NFIA: variants seen among roughly 807,000 people sequenced by gnomAD.
NFIA encodes the protein nuclear factor I A.
A neutral mutation model predicts 62.8 loss-of-function variants in NFIA; 8 were observed. The observed-to-expected ratio is 0.13, with a 90% CI of 0.07 to 0.23. The LOEUF is 0.23. NFIA is among the 10% of genes least tolerant of loss of function. The pLI is 1.00. For missense variants in NFIA, 410 were observed against 642.1 expected (o/e 0.64, Z 3.91); for synonymous variants, 235 against 238.1 (o/e 0.99, Z 0.12).
At chr1:61,184,373 TAAA>T (rs532139690) in intron 2 of NFIA, among the ~76,000 whole-genome samples, 1 of 152,226 alleles carries the variant, frequency 6.6e-6, no homozygotes, top group Non-Finnish European at 1.5e-5. Context: ...TCCTTGTTTC[TAAA>T]AAACTTGCTA....
chr1:61,180,103 A>G (rs1484744830), intron 2 of NFIA, among the ~76,000 whole-genome samples: 2 of 152,098 alleles, frequency 1.3e-5, no homozygotes, highest in African/African-American at 4.8e-5. Flanking sequence ...AGTCACACTG[A>G]AAGAGGCAGG....
intron 3 of NFIA, among the ~76,000 whole-genome samples, chr1:61,296,602 T>A (rs1284435475): frequency 6.6e-6 from 1 of 152,186 alleles, no homozygotes; most frequent in African/African-American, 2.4e-5. Flanking sequence ...AAGCATAAGA[T>A]TTAAATCCCT....
chr1:61,115,867 T>C (rs1215491624), intron 2 of NFIA, among the ~76,000 whole-genome samples: 1 of 152,164 alleles, frequency 6.6e-6, no homozygotes, highest in Admixed American at 6.5e-5. Flanking sequence ...AAACCTCACG[T>C]TCCCTCGATA....
chr1:61,207,674 G>A (rs962953470), intron 2 of NFIA, among the ~76,000 whole-genome samples: 2 of 152,188 alleles, frequency 1.3e-5, no homozygotes, highest in Non-Finnish European at 2.9e-5. Flanking sequence ...TCTCTTCTGT[G>A]AAGTGGGATT....
At chr1:61,251,881 G>A (rs1430143080) in intron 2 of NFIA, among the ~76,000 whole-genome samples, 3 of 152,014 alleles carry the variant, frequency 2.0e-5, no homozygotes, top group East Asian at 1.9e-4. Context: ...ACTATTTTTC[G>A]TGTTCTTTAA....
At chr1:61,297,272 G>GT (rs1376943939) in intron 3 of NFIA, among the ~76,000 whole-genome samples, 1 of 152,192 alleles carries the variant, frequency 6.6e-6, no homozygotes, top group African/African-American at 2.4e-5. Context: ...GTGTGTAAAT[G>GT]TTTTTATTGG....
rs1655354460 is a variant in NFIA, at chr1:61,241,656, C to T, written c.560-35864C>T. ...GTCAGATTCCCCCACTGCCAACCCC[C>T]TCCCCCCACACAACTACCACCCAAA... is the stretch of plus-strand genomic sequence containing the variant. On this transcript the variant is annotated intron_variant, in intron 2 of 10. Transcript: ENST00000403491. Among the ~76,000 whole-genome samples, 6 of 151,988 alleles carry T rather than the reference C, an allele frequency of 3.9e-5. No homozygotes were observed. In the South Asian group the frequency reaches 1.2e-3, roughly 32 times the overall value.
At chr1:61,316,720 G>A (rs543281559) in intron 3 of NFIA, among the ~76,000 whole-genome samples, 1 of 152,180 alleles carries the variant, frequency 6.6e-6, no homozygotes, top group Non-Finnish European at 1.5e-5. Context: ...CTAAAATCAA[G>A]GAAGTGGCCT....
chr1:61,106,068 A>C (rs1414490770), intron 2 of NFIA, among the ~76,000 whole-genome samples: 1 of 150,522 alleles, frequency 6.6e-6, no homozygotes, highest in Non-Finnish European at 1.5e-5. Flanking sequence ...CCCTTCTGCC[A>C]AACCACAAAA....
intron 2 of NFIA, among the ~76,000 whole-genome samples, chr1:61,163,186 G>A (rs1002267114): frequency 6.6e-6 from 1 of 152,168 alleles, no homozygotes; most frequent in Non-Finnish European, 1.5e-5. Context: ...TAATATTCAT[G>A]TTAGAATGTA....
chr1:61,396,052 CAG>C, intron 7 of NFIA, among the ~76,000 whole-genome samples: 1 of 152,160 alleles, frequency 6.6e-6, no homozygotes, highest in East Asian at 1.9e-4. Context: ...AGATGAGCTT[CAG>C]AGAGTATTTA....
At chr1:61,350,504 A>G (rs2100426731) in intron 4 of NFIA, among the ~76,000 whole-genome samples, 1 of 152,272 alleles carries the variant, frequency 6.6e-6, no homozygotes, top group Admixed American at 6.5e-5. Flanking sequence ...GGTGTGGCGT[A>G]GCATACCTGT....
At chr1:61,388,434 C>A (rs1277061128) in intron 7 of NFIA, among the ~76,000 whole-genome samples, 1 of 152,180 alleles carries the variant, frequency 6.6e-6, no homozygotes, top group Non-Finnish European at 1.5e-5. Context: ...GGTTGATGAT[C>A]TGAAGGGTCT....
chr1:61,423,618 T>A (rs1666735849), intron 9 of NFIA, among the ~76,000 whole-genome samples: 1 of 152,204 alleles, frequency 6.6e-6, no homozygotes, highest in Admixed American at 6.5e-5. Flanking sequence ...TTGCTTGATT[T>A]TATATTCACA....
upstream of NFIA, chr1:61,077,354 G>C: frequency 2.7e-6 from 1 of 365,224 alleles, no homozygotes; most frequent in Non-Finnish European, 4.9e-6. Context: ...TCAAAAGAGA[G>C]AGTGAGAGCG....
At chr1:61,415,353 A>G (rs1199148216) in intron 9 of NFIA, among the ~76,000 whole-genome samples, 1 of 152,174 alleles carries the variant, frequency 6.6e-6, no homozygotes, top group African/African-American at 2.4e-5. Context: ...CCATGAAAGG[A>G]AAGTATCCAA....
chr1:61,328,911 C>T (rs1330662084), intron 3 of NFIA, among the ~76,000 whole-genome samples: 1 of 149,860 alleles, frequency 6.7e-6, no homozygotes, highest in East Asian at 2.0e-4. Flanking sequence ...TTAGTAGAGA[C>T]AGGGTTTCAC....
intron 2 of NFIA, among the ~76,000 whole-genome samples, chr1:61,203,689 T>C (rs576667773): frequency 1.3e-5 from 2 of 152,334 alleles, no homozygotes; most frequent in African/African-American, 4.8e-5. Context: ...GTTGTTTGTG[T>C]GTAAGGAGGT....
At chr1:61,328,747 G>A (rs963975172) in intron 3 of NFIA, among the ~76,000 whole-genome samples, 5 of 109,764 alleles carry the variant, frequency 4.6e-5, no homozygotes, top group African/African-American at 1.9e-4. Context: ...TTTTTGAGAC[G>A]GATCTTGCTC....
Sources: gnomAD v4.1 joint callset for allele counts (sites outside exome capture counted in the v4.1 genomes callset) on GRCh38, gnomAD v4.1.1 for gene constraint, MANE v1.5 for transcripts, NCBI Gene and HGNC (gene_info 2026-07-23, HGNC 2026-07-21) for gene names.